EPCAM: variants seen among roughly 807,000 people sequenced by gnomAD.
EPCAM encodes adenocarcinoma-associated antigen.
EPCAM carries 39 observed loss-of-function variants against 40.0 expected under a neutral mutation model. The observed-to-expected ratio is 0.98, with a 90% CI of 0.76 to 1.27. The LOEUF is 1.27. EPCAM is among the 50% of genes most tolerant of loss of function. The pLI, the probability that EPCAM is intolerant of heterozygous loss-of-function variation, is 0.00. For missense variants in EPCAM, 503 were observed against 381.2 expected, an observed-to-expected ratio of 1.32 and a Z score of -2.66; for synonymous variants, 168 against 132.3, an observed-to-expected ratio of 1.27 and a Z score of -1.85.
rs199679894 is a variant in EPCAM at position 47,369,610 on chromosome 2, G to A, written c.76+29G>A. 2.5e-6 allele frequency: 4 copies of A among 1,573,924 alleles called. No individual in the cohort carries two copies. The East Asian group carries it at 9.2e-5, about 36-fold the overall frequency. The stretch of plus-strand genomic sequence containing the variant: ...AGGCGCGGATTGGAGCAGAGTTGTG[G>A]AGCTGGGCTGGGCTGGGGGGCAGCG... On this transcript the variant is annotated intron_variant, in intron 1 of 8. Coordinates refer to ENST00000263735, the MANE Select transcript of EPCAM (RefSeq NM_002354.3).
At chr2:47,371,754 T>G (rs1434564061) in intron 1 of EPCAM, among the ~76,000 whole-genome samples, 1 of 152,198 alleles carries the variant, frequency 6.6e-6, no homozygotes, top group African/African-American at 2.4e-5. Flanking sequence ...TTTAAACGCT[T>G]GAGAACAAGT....
At position 47,373,224 on chromosome 2, in the gene EPCAM, A is replaced by C. The variant is rs564226050; in HGVS notation, c.77-239A>C. ...TATCTTTAAAAAAAAAAAAAAAAAA[A>C]AAAAAAAAAAACAGGAATGCATGCA... On this transcript the variant is annotated intron_variant, in intron 1 of 8. Transcript: ENST00000263735. 2.9e-3 allele frequency among the ~76,000 whole-genome samples: 424 copies of C among 147,482 alleles called. 2 individuals are homozygous for C. Among genetic ancestry groups the C allele is most frequent in the African/African-American group, 9.9e-3 (385 of 38,926 alleles).
intron 1 of EPCAM, chr2:47,369,783 C>A (rs1008946953): frequency 2.9e-6 from 2 of 700,326 alleles, no homozygotes; most frequent in Non-Finnish European, 5.3e-6. Flanking sequence ...CGGGGAGCAG[C>A]CTCACTTCGC....
At chr2:47,379,233 C>T (rs1671510737) in intron 6 of EPCAM, among the ~76,000 whole-genome samples, 179 bp downstream of exon 6, 5 of 152,136 alleles carry the variant, frequency 3.3e-5, no homozygotes, top group African/African-American at 9.7e-5. Context: ...ATTTATGCCT[C>T]TTATCAAATT....
At chr2:47,370,724 T>A (rs1007606252) in intron 1 of EPCAM, among the ~76,000 whole-genome samples, 1 of 151,440 alleles carries the variant, frequency 6.6e-6, no homozygotes, top group Non-Finnish European at 1.5e-5. Flanking sequence ...GTATTTATTA[T>A]TTATTATTAT....
chr2:47,374,087 T>G, intron 3 of EPCAM, 39 bp downstream of exon 3: 1 of 1,609,876 alleles, frequency 6.2e-7, no homozygotes, highest in Non-Finnish European at 8.5e-7. Flanking sequence ...TTCATGCTGT[T>G]CAGATTCATT....
chr2:47,373,273 A>G (rs1671329629), intron 1 of EPCAM, among the ~76,000 whole-genome samples, 190 bp from the exon 2 acceptor site: 1 of 150,854 alleles, frequency 6.6e-6, no homozygotes. Context: ...GTCTGTATAC[A>G]GTATGCAAAC....
chr2:47,378,668 C>A (rs1467714002), intron 5 of EPCAM, among the ~76,000 whole-genome samples: 1 of 152,062 alleles, frequency 6.6e-6, no homozygotes, highest in East Asian at 1.9e-4. Flanking sequence ...ACTTTCATAT[C>A]TTATTTAAAA....
Position 47,379,947 on chromosome 2 carries a change from T to C in EPCAM, c.836T>C (p.Val279Ala). ...IAVIVVVVIA[V>A]VAGIVVLVIS... ...GTTATTGTGGTTGTGGTGATAGCAG[T>C]TGTTGCTGGAATTGTTGTGCTGGTG... The change falls in exon 7 of 9, where the codon GTT becomes GCT. Residue 279 changes from valine (V) to alanine (A), a missense_variant. Val to Ala is a moderately conservative substitution (Grantham distance 64, BLOSUM62 0). Coordinates refer to ENST00000263735, the MANE Select transcript of EPCAM (RefSeq NM_002354.3). The C allele has an allele frequency of 1.2e-6, 2 of 1,613,222 alleles. No homozygotes were observed. Among genetic ancestry groups the C allele is most frequent in the Non-Finnish European group, 1.7e-6 (2 of 1,179,502 alleles).
At position 47,378,954 on chromosome 2, in the gene EPCAM, A is replaced by C. The variant is rs757739862; in HGVS notation, c.557A>C (p.Tyr186Ser). 8.5e-6 allele frequency: 12 copies of C among 1,419,422 alleles called. No homozygotes were observed. The highest frequency in any genetic ancestry group is 1.2e-5 in the Non-Finnish European group (12 of 1,003,476). The allele number at this position is 1,419,422 out of a possible 1,614,324, so 87.9% of individuals were successfully genotyped here. A position where few individuals can be genotyped will look rare whatever the true frequency, so the allele number is the denominator to read the frequency against. Reference sequence around the variant, plus strand: ...GTATTATTCAATTTTTTTCCCCAGTATGAGAATAATGTTATCACTATTGAT... The same window carrying C: ...GTATTATTCAATTTTTTTCCCCAGTCTGAGAATAATGTTATCACTATTGAT... ...LDPKFITSIL[Y>S]ENNVITIDLV... The change falls in exon 6 of 9, where the codon TAT becomes TCT. Residue 186 changes from tyrosine (Y) to serine (S), a missense_variant and splice_region_variant. Transcript: ENST00000263735.
intron 4 of EPCAM, among the ~76,000 whole-genome samples, chr2:47,376,637 T>G (rs1042372379): frequency 2.6e-5 from 4 of 152,200 alleles, no homozygotes; most frequent in Non-Finnish European, 5.9e-5. Flanking sequence ...GTGTCCTTTA[T>G]AATACTTCAC....
Position 47,373,501 on chromosome 2 carries a change from T to C in EPCAM, c.115T>C (p.Phe39Leu), listed in dbSNP as rs1328984354. ...AAACTACAAGCTGGCCGTAAACTGC[T>C]TTGTGAATAATAATCGTCAATGCCA... Reference protein sequence around the residue: ...CENYKLAVNCFVNNNRQCQCT... With the variant: ...CENYKLAVNCLVNNNRQCQCT... The change falls in exon 2 of 9, where the codon TTT becomes CTT. Residue 39 changes from phenylalanine (F) to leucine (L), a missense_variant. By Grantham distance (22) the Phe-to-Leu change is conservative (BLOSUM62 0). Coordinates refer to ENST00000263735, the MANE Select transcript of EPCAM (RefSeq NM_002354.3). The C allele has an allele frequency of 6.2e-7, 1 of 1,613,818 alleles. No homozygotes were observed. Among genetic ancestry groups the C allele is most frequent in the Non-Finnish European group, 8.5e-7 (1 of 1,179,836 alleles).
chr2:47,382,182 A>C (rs1398538653), intron 7 of EPCAM, among the ~76,000 whole-genome samples: 1 of 152,190 alleles, frequency 6.6e-6, no homozygotes, highest in Admixed American at 6.5e-5. Context: ...GCAAAAATGG[A>C]TATTATACAT....
At chr2:47,375,930 T>C (rs1179945782) in intron 4 of EPCAM, among the ~76,000 whole-genome samples, 1 of 152,024 alleles carries the variant, frequency 6.6e-6, no homozygotes, top group Non-Finnish European at 1.5e-5. Flanking sequence ...GGTCTCGAAC[T>C]CCTGAACTTG....
chr2:47,372,603 C>G (rs189043239), intron 1 of EPCAM, among the ~76,000 whole-genome samples: 2 of 152,176 alleles, frequency 1.3e-5, no homozygotes, highest in African/African-American at 4.8e-5. Context: ...GAAACCCCGT[C>G]TCTACTAAAA....
At chr2:47,386,434 A>T in intron 8 of EPCAM, 138 bp from the exon 9 acceptor site, 1 of 632,706 alleles carries the variant, frequency 1.6e-6, no homozygotes. Flanking sequence ...TTCTTTTTTT[A>T]TTTAAATAAG....
intron 1 of EPCAM, 95 bp downstream of exon 1, chr2:47,369,676 G>T (rs1671167088): frequency 8.1e-7 from 1 of 1,239,540 alleles, no homozygotes; most frequent in Non-Finnish European, 1.2e-6. Context: ...TAATAGGGAG[G>T]GGACCAAGAG....
At chr2:47,384,676 A>C (rs1457686999) in intron 7 of EPCAM, among the ~76,000 whole-genome samples, 1 of 151,142 alleles carries the variant, frequency 6.6e-6, no homozygotes, top group Non-Finnish European at 1.5e-5. Flanking sequence ...CCTCGGCCCC[A>C]CAAAGTACCG....
rs111504983 is a variant in EPCAM, at chr2:47,379,265, C to G, written c.657+211C>G. Among the ~76,000 whole-genome samples, 437 of 152,266 alleles carry G rather than the reference C, an allele frequency of 2.9e-3. 2 individuals are homozygous for G. Among genetic ancestry groups the G allele is most frequent in the African/African-American group, 9.3e-3 (387 of 41,562 alleles). ...AATTGTTCTGCCTAAAATATCTCCCCTCTTTCTTATAATTCTTATTTATTA... is the reference window on the plus strand; with the variant it reads ...AATTGTTCTGCCTAAAATATCTCCCGTCTTTCTTATAATTCTTATTTATTA... On this transcript the variant is annotated intron_variant, in intron 6 of 8. Transcript: ENST00000263735.
Sources: allele counts gnomAD v4.1 joint callset (sites outside exome capture counted in the v4.1 genomes callset), GRCh38; gene constraint gnomAD v4.1.1; transcripts MANE v1.5; gene names NCBI Gene and HGNC (gene_info 2026-07-23, HGNC 2026-07-21).